Variants in NCOA3 observed in about 807,000 individuals in gnomAD.
The protein encoded by NCOA3 is nuclear receptor coactivator 3, also known as CBP-interacting protein.
NCOA3 carries 51 observed loss-of-function variants against 158.8 expected under a neutral mutation model. The observed-to-expected ratio is 0.32, with a 90% confidence interval of 0.26 to 0.41. The LOEUF is 0.41. NCOA3 is among the 10% of genes least tolerant of loss of function. The pLI is 1.00. For missense variants in NCOA3, 1,510 were observed against 1,746.6 expected, an observed-to-expected ratio of 0.86 and a Z score of 2.41; for synonymous variants, 537 against 592.4, an observed-to-expected ratio of 0.91 and a Z score of 1.36.
chr20:47,607,432 A>G (rs931837747), intron 2 of NCOA3, among the ~76,000 whole-genome samples: 1 of 152,176 alleles, frequency 6.6e-6, no homozygotes, highest in Non-Finnish European at 1.5e-5. Context: ...ACTGTTGTTT[A>G]CCATGCTTTT....
chr20:47,527,455 TGC>T (rs1568656406), intron 1 of NCOA3, among the ~76,000 whole-genome samples: 10 of 152,204 alleles, frequency 6.6e-5, no homozygotes, highest in Non-Finnish European at 1.3e-4. Flanking sequence ...TTCATGTTGT[TGC>T]ATATATGAGT....
In NCOA3 at chr20:47,639,612, C is replaced by G. The variant is rs749176418; in HGVS notation, c.2743C>G (p.Pro915Ala). 2 of 1,613,668 alleles carry G rather than the reference C, an allele frequency of 1.2e-6. No individual in the cohort carries two copies. Among genetic ancestry groups the G allele is most frequent in the Non-Finnish European group, 1.7e-6 (2 of 1,179,862 alleles). ...PNRNVTVTQT[P>A]SSGDWGLPNS... ...CCGAAATGTGACTGTGACTCAGACT[C>G]CTTCCTCAGGAGACTGGGGCTTACC... The change falls in exon 15 of 23, where the codon CCT becomes GCT. Residue 915 changes from proline (P) to alanine (A), a missense_variant. This residue lies in a region of NCOA3 where 1,017 missense variants were observed against 1,098.3 expected (regional missense o/e 0.93). Coordinates refer to ENST00000371998, the MANE Select transcript of NCOA3 (RefSeq NM_181659.3).
At chr20:47,596,294 A>G (rs2085754894) in intron 2 of NCOA3, among the ~76,000 whole-genome samples, 1 of 152,202 alleles carries the variant, frequency 6.6e-6, no homozygotes, top group South Asian at 2.1e-4. Context: ...TAATGGATGT[A>G]ATGTGGTGGC....
chr20:47,510,218 G>A (rs1184117751), intron 1 of NCOA3, among the ~76,000 whole-genome samples: 1 of 151,942 alleles, frequency 6.6e-6, no homozygotes, highest in Non-Finnish European at 1.5e-5. Flanking sequence ...GGATCACGAA[G>A]TCAGGAATTG....
Position 47,635,905 on chromosome 20 carries a change from A to T in NCOA3, c.1519A>T (p.Met507Leu), listed in dbSNP as rs772120127. The change falls in exon 12 of 23, where the codon ATG becomes TTG. Residue 507 changes from methionine to leucine, a missense_variant. By Grantham distance (15) the Met-to-Leu change is conservative (BLOSUM62 2). Around this residue, in one of 4 missense-constraint regions of NCOA3, gnomAD observed 1,017 missense variants for 1,098.3 expected, o/e 0.93. Transcript: ENST00000371998. ...FSPVAGVHSPMASSGNTGNHS... is the reference protein window; with the variant it reads ...FSPVAGVHSPLASSGNTGNHS... Reference sequence around the variant, plus strand: ...TTCAAATTCAGGTGTGCACTCTCCCATGGCATCTTCTGGCAATACTGGGAA... The same window carrying T: ...TTCAAATTCAGGTGTGCACTCTCCCTTGGCATCTTCTGGCAATACTGGGAA... 1.2e-6 allele frequency: 2 copies of T among 1,613,140 alleles called. No homozygotes were observed. Among genetic ancestry groups the T allele is most frequent in the Non-Finnish European group, 1.7e-6 (2 of 1,179,558 alleles).
At chr20:47,544,410 A>G (rs1602378431) in intron 1 of NCOA3, among the ~76,000 whole-genome samples, 1 of 145,240 alleles carries the variant, frequency 6.9e-6, no homozygotes, top group African/African-American at 2.6e-5. Context: ...TGCAGCCTCA[A>G]CCTCCTGGGT....
intron 2 of NCOA3, among the ~76,000 whole-genome samples, chr20:47,597,285 G>T (rs1181458356): frequency 6.6e-6 from 1 of 151,988 alleles, no homozygotes; most frequent in Non-Finnish European, 1.5e-5. Context: ...TTCCCATTTT[G>T]TGTGTGTTAC....
rs1333141961 is a variant in NCOA3, at chr20:47,600,315, C to T, written c.-20+17054C>T. 2.0e-5 allele frequency among the ~76,000 whole-genome samples: 3 copies of T among 151,716 alleles called. No homozygotes were observed. The East Asian group carries it at 5.8e-4, about 29-fold the overall frequency. On this transcript the variant is annotated intron_variant, in intron 2 of 22. Transcript: ENST00000371998. ...TTAGCCTCCCAAGTAGCTGGGACTACAGGCGCCCACCACCACGCCCAGCTA... is the reference window on the plus strand; with the variant it reads ...TTAGCCTCCCAAGTAGCTGGGACTATAGGCGCCCACCACCACGCCCAGCTA...
intron 2 of NCOA3, among the ~76,000 whole-genome samples, chr20:47,588,979 C>T (rs537677367): frequency 3.4e-4 from 51 of 152,224 alleles, no homozygotes; most frequent in Non-Finnish European, 2.6e-4. Context: ...ACCTCTGCCT[C>T]CCAGGTTCAA....
At position 47,526,226 on chromosome 20, in the gene NCOA3, C is replaced by T. The variant is rs973819918; in HGVS notation, c.-99+24207C>T. The stretch of plus-strand genomic sequence containing the variant: ...ATGGCGGCCGGGAAGAGGCGCTCCT[C>T]ACTTCCTAGATGGCATGGTGGCCGG... On this transcript the variant is annotated intron_variant, in intron 1 of 22. Coordinates refer to ENST00000371998, the MANE Select transcript of NCOA3 (RefSeq NM_181659.3). Among the ~76,000 whole-genome samples, 7 of 151,816 alleles carry T rather than the reference C, an allele frequency of 4.6e-5. No individual in the cohort carries two copies. In the South Asian group the frequency reaches 6.3e-4, roughly 14 times the overall value.
intron 1 of NCOA3, among the ~76,000 whole-genome samples, chr20:47,552,165 C>A (rs781303067): frequency 6.6e-6 from 1 of 152,184 alleles, no homozygotes; most frequent in Non-Finnish European, 1.5e-5. Context: ...TATCATATCA[C>A]ATTACTGAAG....
chr20:47,503,999 C>T (rs1008531429), intron 1 of NCOA3, among the ~76,000 whole-genome samples: 5 of 152,036 alleles, frequency 3.3e-5, no homozygotes, highest in African/African-American at 9.7e-5. Flanking sequence ...GTGGACTAAG[C>T]GGGAGGCTGT....
chr20:47,554,066 T>C (rs2084964953), intron 1 of NCOA3, among the ~76,000 whole-genome samples: 1 of 152,170 alleles, frequency 6.6e-6, no homozygotes, highest in African/African-American at 2.4e-5. Flanking sequence ...ACCTGTTGTT[T>C]CGTGACTTTT....
chr20:47,572,687 C>T (rs1372508859), intron 1 of NCOA3, among the ~76,000 whole-genome samples: 1 of 152,070 alleles, frequency 6.6e-6, no homozygotes, highest in African/African-American at 2.4e-5. Flanking sequence ...TAGGTGTGCG[C>T]CACCAGACCC....
intron 1 of NCOA3, among the ~76,000 whole-genome samples, chr20:47,521,142 C>T (rs540017629): frequency 6.1e-4 from 93 of 152,250 alleles, no homozygotes; most frequent in African/African-American, 5.3e-4. Flanking sequence ...AGTTTCTTTC[C>T]GCCTTGCTGA....
intron 1 of NCOA3, among the ~76,000 whole-genome samples, chr20:47,568,230 G>A (rs555587820): frequency 3.9e-5 from 6 of 152,296 alleles, no homozygotes; most frequent in Non-Finnish European, 7.3e-5. Flanking sequence ...TAAAACCAGG[G>A]AGGAATGATG....
chr20:47,532,110 T>TTGTGTGTGTG (rs11474538), intron 1 of NCOA3, among the ~76,000 whole-genome samples: 3,844 of 147,484 alleles, frequency 0.026, 90 homozygotes, highest in African/African-American at 0.055. Context: ...AGGGGGGGAC[T>TTGTGTGTGTG]TGTGTGTGTG....
chr20:47,618,847 T>C (rs2086189478), intron 2 of NCOA3, among the ~76,000 whole-genome samples: 1 of 152,250 alleles, frequency 6.6e-6, no homozygotes. Flanking sequence ...TTAACACAAA[T>C]GATCTGCATT....
At chr20:47,583,676 C>A (rs1190192221) in intron 2 of NCOA3, among the ~76,000 whole-genome samples, 1 of 152,184 alleles carries the variant, frequency 6.6e-6, no homozygotes, top group African/African-American at 2.4e-5. Flanking sequence ...AAAATTATGG[C>A]CAAGTGCAGT....
Sources: allele counts gnomAD v4.1 joint callset (sites outside exome capture counted in the v4.1 genomes callset), GRCh38; gene constraint gnomAD v4.1.1; regional missense constraint gnomAD v4.1.1; transcripts MANE v1.5; gene names NCBI Gene and HGNC (gene_info 2026-07-23, HGNC 2026-07-21).